DNAJA4: variants seen among roughly 807,000 people sequenced by gnomAD.
DNAJA4 encodes the protein dnaJ homolog subfamily A member 4.
DNAJA4 carries 32 observed loss-of-function variants against 39.7 expected under a neutral mutation model. The ratio of observed to expected loss-of-function variants is 0.81; its 90% confidence interval spans 0.61 to 1.08. DNAJA4 has a LOEUF of 1.08. Among genes scored for constraint, DNAJA4 ranks in the 50% least tolerant of loss-of-function variants. The probability of loss-of-function intolerance (pLI) is 0.00; values close to 1 mark genes in which losing one functional copy is unlikely to be tolerated. For missense variants in DNAJA4, 439 were observed against 505.1 expected (o/e 0.87, Z 1.25); for synonymous variants, 184 against 182.4 (o/e 1.01, Z -0.07).
chr15:78,267,993 C>T (rs1263498000), intron 1 of DNAJA4, among the ~76,000 whole-genome samples: 1 of 152,162 alleles, frequency 6.6e-6, no homozygotes, highest in African/African-American at 2.4e-5. Flanking sequence ...CTGAATTAGA[C>T]TTTGGAGTGC....
rs2049065619 is a variant in DNAJA4, at chr15:78,264,640, G to GGCGGCGACC, written c.-121_-120insGCGACCGCG. ...GGGAGCTACAAGCGGCGGCGGCGGC[G>GGCGGCGACC]GCGACCGTGACCGTGACGCGCGAGC... On this transcript the variant is annotated 5_prime_UTR_variant, in exon 1 of 7. Transcript: ENST00000394852. 9.8e-6 allele frequency: 10 copies of GGCGGCGACC among 1,020,722 alleles called. No homozygotes were observed. The highest frequency in any genetic ancestry group is 1.1e-5 in the Non-Finnish European group (9 of 853,912). The allele number at this position is 1,020,722 out of a possible 1,614,324, so 63.2% of individuals were successfully genotyped here. A position where few individuals can be genotyped will look rare whatever the true frequency, so the allele number is the denominator to read the frequency against.
chr15:78,264,485 T>A (rs571304021), upstream of DNAJA4: 13 of 1,254,546 alleles, frequency 1.0e-5, no homozygotes, highest in African/African-American at 2.0e-4. Flanking sequence ...GTTCTAGGCC[T>A]TTGTGGCGTC....
At chr15:78,278,776 CA>C (rs1413180272) in intron 5 of DNAJA4, among the ~76,000 whole-genome samples, 1 of 151,360 alleles carries the variant, frequency 6.6e-6, no homozygotes, top group Non-Finnish European at 1.5e-5. Context: ...CTCAGCCTCC[CA>C]AGTAGCTGGG....
rs779478448 is a variant in DNAJA4 at position 78,266,194 on chromosome 15, G to A, written c.132+1299G>A. ...TCCGCTTCTGACAGTCTCCTTTAAG[G>A]AGAGCTTGTAGGCTTCTAATTTCAC... is the stretch of plus-strand genomic sequence containing the variant. On this transcript the variant is annotated intron_variant, in intron 1 of 6. Coordinates refer to ENST00000394852, the MANE Select transcript of DNAJA4 (RefSeq NM_001130182.2). 14 of 1,610,684 alleles carry A rather than the reference G, an allele frequency of 8.7e-6. No homozygotes were observed. The African/African-American group carries it at 1.3e-4, about 15-fold the overall frequency.
At chr15:78,264,171 G>C (rs946249725), upstream of DNAJA4, 3 of 527,118 alleles carry the variant, frequency 5.7e-6, no homozygotes, top group Admixed American at 8.8e-5. Flanking sequence ...GCAGGGCTCC[G>C]GCCAACACAG....
chr15:78,265,012 C>T, intron 1 of DNAJA4, 117 bp downstream of exon 1: 3 of 1,236,740 alleles, frequency 2.4e-6, no homozygotes, highest in South Asian at 1.6e-5. Flanking sequence ...TGTCGCCAGG[C>T]GCCTCGGGGC....
Position 78,272,805 on chromosome 15 carries a change from C to T in DNAJA4, c.314-290C>T, listed in dbSNP as rs192108949. Among the ~76,000 whole-genome samples the T allele has an allele frequency of 2.2e-4, 33 of 152,314 alleles. No homozygotes were observed. The East Asian group carries it at 6.0e-3, about 28-fold the overall frequency. ...GTTTCTCAATTAGTACTCTCCTTGT[C>T]CTCAGATTTGTTCTCAGAAAATAAA... On this transcript the variant is annotated intron_variant, in intron 2 of 6. Coordinates refer to ENST00000394852, the MANE Select transcript of DNAJA4 (RefSeq NM_001130182.2).
intron 4 of DNAJA4, chr15:78,275,145 G>C (rs1166243002): frequency 3.7e-6 from 1 of 268,376 alleles, no homozygotes; most frequent in Admixed American, 4.8e-5. Flanking sequence ...TGGCTGACCT[G>C]TCCCTATCAG....
At chr15:78,267,185 T>TGTGAGTGTGTATGTGA (rs142469778) in intron 1 of DNAJA4, among the ~76,000 whole-genome samples, 48,710 of 100,638 alleles carry the variant, frequency 0.48, 9,592 homozygotes, top group Middle Eastern at 0.59. Context: ...TGTGTGAGTG[T>TGTGAGTGTGTATGTGA]GTGTGTGAGT....
At chr15:78,264,512 A>C, upstream of DNAJA4, 2 of 1,233,238 alleles carry the variant, frequency 1.6e-6, no homozygotes, top group Middle Eastern at 3.1e-4. Flanking sequence ...TCCTTGCGGA[A>C]GCTTCCGCCG....
rs998898747 is a variant in DNAJA4 at position 78,274,407 on chromosome 15, A to G, written c.629A>G (p.Glu210Gly). 2 of 1,614,074 alleles carry G rather than the reference A, an allele frequency of 1.2e-6. No homozygotes were observed. Among genetic ancestry groups the G allele is most frequent in the Non-Finnish European group, 1.7e-6 (2 of 1,180,006 alleles). The change falls in exon 4 of 7, where the codon GAG becomes GGG. Residue 210 changes from glutamate to glycine, a missense_variant. Transcript: ENST00000394852. ...GTGATCCGTGAGAAGAAGATTATCG[A>G]GGTACATGTTGAAAAAGGTGAGGCT... ...AKVIREKKII[E>G]VHVEKGMKDG...
chr15:78,266,074 C>T, intron 1 of DNAJA4: 2 of 632,896 alleles, frequency 3.2e-6, no homozygotes, highest in Admixed American at 3.0e-5. Flanking sequence ...CGTTCTTTCT[C>T]ATCTATATTT....
At chr15:78,274,111 T>C in intron 3 of DNAJA4, 86 bp from the exon 4 acceptor site, 1 of 1,309,932 alleles carries the variant, frequency 7.6e-7, no homozygotes, top group Non-Finnish European at 1.1e-6. Context: ...AATGTGAGGG[T>C]TCCCTACCCT....
intron 5 of DNAJA4, chr15:78,277,708 G>A: frequency 3.1e-6 from 1 of 317,594 alleles, no homozygotes; most frequent in East Asian, 8.4e-5. Context: ...TTGAGGTCCT[G>A]GGCCCCACCA....
chr15:78,270,510 C>A lies in DNAJA4; in HGVS notation c.146C>A (p.Ser49Tyr). Residue 49 changes from serine (S) to tyrosine (Y), a missense_variant, in exon 2 of 7, where the codon TCC (serine) becomes TAC (tyrosine). Physicochemically the swap from Ser to Tyr is moderately radical, Grantham distance 144 (BLOSUM62 -2). Coordinates refer to ENST00000394852, the MANE Select transcript of DNAJA4 (RefSeq NM_001130182.2). ...PDEGEKFKLI[S>Y]QAYEVLSDPK... ...TCTCTTTTAAAGTTTAAACTCATAT[C>A]CCAGGCATATGAAGTGCTTTCAGAT... 1 of 1,613,358 alleles carries A rather than the reference C, an allele frequency of 6.2e-7. No homozygotes were observed. The highest frequency in any genetic ancestry group is 8.5e-7 in the Non-Finnish European group (1 of 1,179,756).
At chr15:78,267,185 T>TGTGAGTGTGTGTGTGA (rs142469778) in intron 1 of DNAJA4, among the ~76,000 whole-genome samples, 1 of 102,516 alleles carries the variant, frequency 9.8e-6, no homozygotes, top group Admixed American at 9.4e-5. Context: ...TGTGTGAGTG[T>TGTGAGTGTGTGTGTGA]GTGTGTGAGT....
chr15:78,271,246 A>G (rs142626488), intron 2 of DNAJA4, among the ~76,000 whole-genome samples: 77 of 152,330 alleles, frequency 5.1e-4, no homozygotes, highest in African/African-American at 1.7e-3. Flanking sequence ...AGGAAGGTGA[A>G]GTTCATCGTG....
intron 1 of DNAJA4, 97 bp from the exon 2 acceptor site, chr15:78,270,400 C>A: frequency 7.6e-7 from 1 of 1,311,404 alleles, no homozygotes; most frequent in East Asian, 2.3e-5. Context: ...GGTTTGGGGG[C>A]AGAATACCTC....
chr15:78,274,790 C>T, intron 4 of DNAJA4: 1 of 320,740 alleles, frequency 3.1e-6, no homozygotes, highest in Non-Finnish European at 6.0e-6. Flanking sequence ...TTCTGATGCT[C>T]ATTGGCCATA....
Sources: gnomAD v4.1 joint callset for allele counts (sites outside exome capture counted in the v4.1 genomes callset) on GRCh38, gnomAD v4.1.1 for gene constraint, MANE v1.5 for transcripts, NCBI Gene and HGNC (gene_info 2026-07-23, HGNC 2026-07-21) for gene names.